The following HERC6 variants were observed in gnomAD, a reference collection of about 807,000 sequenced individuals.
HERC6 encodes probable E3 ubiquitin-protein ligase HERC6.
Under a neutral mutation model 114.5 loss-of-function variants are expected in HERC6, and 101 were observed. The observed-to-expected ratio is 0.88, with a 90% CI of 0.75 to 1.04. The LOEUF is 1.04. HERC6 is among the 50% of genes least tolerant of loss of function. The probability of loss-of-function intolerance (pLI) is 0.00; values close to 1 mark genes in which losing one functional copy is unlikely to be tolerated. For synonymous variants in HERC6, 408 were observed against 436.2 expected (o/e 0.94, Z 0.81); for missense variants, 1,133 against 1,230.9 (o/e 0.92, Z 1.19).
chr4:88,393,465 G>A (rs1320334995), intron 4 of HERC6, 23 bp from the exon 5 acceptor site: 1 of 1,477,460 alleles, frequency 6.8e-7, no homozygotes, highest in Admixed American at 1.7e-5. Context: ...TTATACTCTA[G>A]AGATTCTGCT....
chr4:88,409,662 T>G (rs1735988812), intron 11 of HERC6, among the ~76,000 whole-genome samples: 1 of 152,236 alleles, frequency 6.6e-6, no homozygotes, highest in Non-Finnish European at 1.5e-5. Flanking sequence ...TTCTGTATTC[T>G]GAGATGAAAC....
intron 11 of HERC6, 31 bp downstream of exon 11, chr4:88,408,648 A>G (rs1334739397): frequency 7.4e-7 from 1 of 1,344,418 alleles, no homozygotes; most frequent in African/African-American, 1.4e-5. Flanking sequence ...TAGATATAGA[A>G]CAAATACGAT....
At chr4:88,411,658 T>C (rs1299012061) in intron 11 of HERC6, among the ~76,000 whole-genome samples, 2 of 152,204 alleles carry the variant, frequency 1.3e-5, no homozygotes, top group East Asian at 3.8e-4. Flanking sequence ...CAAACAACTT[T>C]GAAATCCCAG....
At chr4:88,423,687 T>C (rs1578411111) in intron 13 of HERC6, among the ~76,000 whole-genome samples, 173 bp from the exon 14 acceptor site, 1 of 152,328 alleles carries the variant, frequency 6.6e-6, no homozygotes, top group African/African-American at 2.4e-5. Flanking sequence ...AAGGAAATTA[T>C]AGCTCAGAAA....
At chr4:88,431,724 G>A (rs1257191187) in intron 17 of HERC6, among the ~76,000 whole-genome samples, 1 of 152,140 alleles carries the variant, frequency 6.6e-6, no homozygotes, top group Non-Finnish European at 1.5e-5. Flanking sequence ...GAGACTACAG[G>A]CGTATGTCAC....
Position 88,396,940 on chromosome 4 carries a change from A to G in HERC6, c.977A>G (p.Glu326Gly). 6.2e-7 allele frequency: 1 copy of G among 1,612,480 alleles called. No homozygotes were observed. Among genetic ancestry groups the G allele is most frequent in the Non-Finnish European group, 8.5e-7 (1 of 1,179,044 alleles). ...GACACAAGCAAGCCAACTCATCCGGAGGCCCTGACAGAGAACTTTGACATT... is the reference window on the plus strand; with the variant it reads ...GACACAAGCAAGCCAACTCATCCGGGGGCCCTGACAGAGAACTTTGACATT... ...PSDTSKPTHP[E>G]ALTENFDISC... Residue 326 changes from glutamate to glycine, a missense_variant, in exon 7 of 23, where the codon GAG becomes GGG. Transcript: ENST00000264346.
In HERC6 at chr4:88,442,567, A is replaced by C. The variant is rs768406490; in HGVS notation, c.*107A>C. The C allele has an allele frequency of 1.3e-4, 115 of 871,762 alleles. No homozygotes were observed. Among genetic ancestry groups the C allele is most frequent in the Admixed American group, 3.7e-4 (16 of 43,310 alleles). 54.0% of individuals were successfully genotyped at this position (871,762 alleles called of 1,614,324 possible). On this transcript the variant is annotated 3_prime_UTR_variant, in exon 23 of 23. Transcript: ENST00000264346. ...AATGAATAGTGGTTAGAAGTAGTTG[A>C]GGGAGAGATTGGGGGAATGGGGAGA... is the stretch of plus-strand genomic sequence containing the variant.
intron 22 of HERC6, 114 bp from the exon 23 acceptor site, chr4:88,442,120 C>T: frequency 1.3e-6 from 1 of 774,502 alleles, no homozygotes; most frequent in Non-Finnish European, 2.1e-6. Context: ...GGACAGTTCT[C>T]TCTGCCTAAG....
Position 88,383,164 on chromosome 4 carries a change from T to A in HERC6, c.200-57T>A, listed in dbSNP as rs190161645. On this transcript the variant is annotated intron_variant, in intron 1 of 22. Coordinates refer to ENST00000264346, the MANE Select transcript of HERC6 (RefSeq NM_017912.4). ...GAAGAAAAGTGCTGTCTTAAACTTG[T>A]GTTAAATTAATAATCTGCAGTGGTG... is the stretch of plus-strand genomic sequence containing the variant. The A allele has an allele frequency of 1.9e-3, 2,998 of 1,569,316 alleles. 4 individuals carry two copies. The highest frequency in any genetic ancestry group is 2.4e-3 in the Non-Finnish European group (2,814 of 1,156,578).
At chr4:88,400,420 C>T (rs2044642722) in intron 8 of HERC6, among the ~76,000 whole-genome samples, 1 of 152,170 alleles carries the variant, frequency 6.6e-6, no homozygotes, top group African/African-American at 2.4e-5. Flanking sequence ...TGGTCTTGAA[C>T]TCTTGAGCTC....
chr4:88,389,271 C>G (rs888025612), intron 3 of HERC6, among the ~76,000 whole-genome samples: 5 of 152,034 alleles, frequency 3.3e-5, no homozygotes, highest in Non-Finnish European at 7.4e-5. Flanking sequence ...GATGTGGGGT[C>G]TGTGATGGGA....
intron 19 of HERC6, 56 bp downstream of exon 19, chr4:88,437,027 A>C (rs1024869570): frequency 7.9e-5 from 101 of 1,274,868 alleles, no homozygotes; most frequent in Non-Finnish European, 1.1e-4. Context: ...TCTAAAAAAT[A>C]ATTTTTATTA....
intron 3 of HERC6, among the ~76,000 whole-genome samples, chr4:88,390,406 T>G (rs773064463): frequency 6.6e-5 from 10 of 151,952 alleles, no homozygotes; most frequent in Non-Finnish European, 1.0e-4. Flanking sequence ...TTAAGTATTC[T>G]CACCACACAC....
At chr4:88,404,824 C>A in intron 8 of HERC6, 52 bp from the exon 9 acceptor site, 4 of 1,600,182 alleles carry the variant, frequency 2.5e-6, no homozygotes, top group Non-Finnish European at 3.4e-6. Context: ...GTATAATTTA[C>A]TACTGAACGT....
intron 3 of HERC6, 123 bp from the exon 4 acceptor site, chr4:88,390,529 A>G (rs1310551923): frequency 2.3e-6 from 2 of 873,510 alleles, no homozygotes; most frequent in Non-Finnish European, 3.5e-6. Context: ...TAAATAGATG[A>G]AATTTTTATT....
rs766854011 is a variant in HERC6, at chr4:88,390,768, C to T, written c.553C>T (p.Gln185Ter). The T allele has an allele frequency of 2.5e-6, 4 of 1,614,168 alleles. 1 individual carries two copies. The South Asian group carries it at 3.3e-5, about 13-fold the overall frequency. ...GTCCCTGGAGGGGATCCCACTGGCT[C>T]AGGTGGCTGCCGGAGGGGCTCACAG... The part of the protein sequence containing the change: ...VRSLEGIPLA[Q>*]VAAGGAHSFA... Residue 185 changes from glutamine to a stop codon, truncating the protein, a stop_gained, in exon 4 of 23, where the codon CAG becomes TAG. Transcript: ENST00000264346. LOFTEE classifies it high-confidence loss of function.
chr4:88,384,926 G>A (rs1204465890), intron 2 of HERC6, among the ~76,000 whole-genome samples: 1 of 152,124 alleles, frequency 6.6e-6, no homozygotes, highest in African/African-American at 2.4e-5. Flanking sequence ...GGGAGGCTGA[G>A]GCAGTAGAAT....
chr4:88,406,091 A>G (rs533271385), intron 10 of HERC6, among the ~76,000 whole-genome samples: 2 of 152,330 alleles, frequency 1.3e-5, no homozygotes, highest in East Asian at 3.9e-4. Flanking sequence ...AGTTCCTGTA[A>G]TGCTCAATAT....
rs896277402 is a variant in HERC6, at chr4:88,442,503, C to T, written c.*43C>T. On this transcript the variant is annotated 3_prime_UTR_variant, in exon 23 of 23. Transcript: ENST00000264346. Reference sequence around the variant, plus strand: ...AGGGTGGGCTTTCTCACACTTGGATCCTTCTGTTCTTCCTTACACCTAAAT... The same window carrying T: ...AGGGTGGGCTTTCTCACACTTGGATTCTTCTGTTCTTCCTTACACCTAAAT... 1 of 1,391,396 alleles carries T rather than the reference C, an allele frequency of 7.2e-7. No individual in the cohort carries two copies. The highest frequency in any genetic ancestry group is 1.2e-5 in the South Asian group (1 of 84,226). The allele number at this position is 1,391,396 out of a possible 1,614,324, so 86.2% of individuals were successfully genotyped here.
Sources: gnomAD v4.1 joint callset for allele counts (sites outside exome capture counted in the v4.1 genomes callset) on GRCh38, gnomAD v4.1.1 for gene constraint, MANE v1.5 for transcripts, NCBI Gene and HGNC (gene_info 2026-07-23, HGNC 2026-07-21) for gene names.